The following PDE5A variants were observed in gnomAD, a reference collection of about 807,000 sequenced individuals.
The protein encoded by PDE5A is phosphodiesterase 5A, also known as cGMP-specific 3',5'-cyclic phosphodiesterase.
In PDE5A, 67 loss-of-function variants were observed where a neutral mutation model predicts 110.2. That is an observed-to-expected ratio of 0.61 (90% CI 0.50 to 0.75). PDE5A has a LOEUF of 0.75. Ranked by LOEUF, PDE5A falls within the 30% of genes least tolerant of loss-of-function variation. The pLI is 0.00. For synonymous variants in PDE5A, 328 were observed against 351.2 expected, an observed-to-expected ratio of 0.93 and a Z score of 0.74; for missense variants, 862 against 1,045.1, an observed-to-expected ratio of 0.82 and a Z score of 2.42.
chr4:119,621,792 C>T lies in PDE5A; in HGVS notation c.152+6728G>A, dbSNP rs899917442. Among the ~76,000 whole-genome samples the T allele has an allele frequency of 4.6e-5, 7 of 152,318 alleles. No individual in the cohort carries two copies. The East Asian group carries it at 7.7e-4, about 17-fold the overall frequency. On this transcript the variant is annotated intron_variant, in intron 1 of 20. Transcript: ENST00000354960. ...TTCTCTATGGGTTCAAGTTGAGTTT[C>T]TGTCACTTGCAACCAAAAGCTTTCT...
intron 1 of PDE5A, 90 bp downstream of exon 1, chr4:119,628,430 G>A: frequency 8.9e-7 from 1 of 1,123,424 alleles, no homozygotes; most frequent in Non-Finnish European, 1.3e-6. Flanking sequence ...TACTTCAAAA[G>A]CAAAGGGCCT....
chr4:119,502,574 T>C lies in PDE5A; in HGVS notation c.2406+7A>G, dbSNP rs3733524. 0.26 allele frequency: 403,447 copies of C among 1,523,390 alleles called. 55,570 individuals are homozygous for C. The highest frequency in any genetic ancestry group is 0.35 in the East Asian group (15,413 of 44,118). 94.4% of individuals were successfully genotyped at this position (1,523,390 alleles called of 1,614,324 possible). A position where few individuals can be genotyped will look rare whatever the true frequency, so the allele number is the denominator to read the frequency against. On this transcript the variant is annotated splice_region_variant and intron_variant, in intron 19 of 20. Transcript: ENST00000354960. ...AATAATTCCTACCAACAAGGTTTCA[T>C]ACTTACAGTGGGTTCTATGTTGAGT...
chr4:119,519,034 G>C lies in PDE5A; in HGVS notation c.2000+11C>G. On this transcript the variant is annotated intron_variant, in intron 14 of 20. Coordinates refer to ENST00000354960, the MANE Select transcript of PDE5A (RefSeq NM_001083.4). The stretch of plus-strand genomic sequence containing the variant: ...AGAAAACATTTTCTTGCTTTACTGG[G>C]AAAGTCTTACCGCTGTATGTAAGAG... The C allele has an allele frequency of 6.3e-7, 1 of 1,589,356 alleles. No homozygotes were observed. The highest frequency in any genetic ancestry group is 1.1e-5 in the South Asian group (1 of 89,866).
intron 13 of PDE5A, 108 bp from the exon 14 acceptor site, chr4:119,519,247 A>C: frequency 1.3e-6 from 1 of 757,332 alleles, no homozygotes; most frequent in Non-Finnish European, 2.3e-6. Context: ...TGCTTTACAT[A>C]CATACTTCTC....
Position 119,525,703 on chromosome 4 carries a change from A to G in PDE5A, c.1633-8T>C, listed in dbSNP as rs1488737852. 3 of 1,556,560 alleles carry G rather than the reference A, an allele frequency of 1.9e-6. No individual in the cohort carries two copies. Among genetic ancestry groups the G allele is most frequent in the Admixed American group, 2.0e-5 (1 of 51,182 alleles). ...AGATGGCACCACAGCAGCCTTGGGT[A>G]AGGAAAGAAGAAAAAAAAAAATGCT... On this transcript the variant is annotated splice_polypyrimidine_tract_variant and splice_region_variant and intron_variant, in intron 11 of 20. Coordinates refer to ENST00000354960, the MANE Select transcript of PDE5A (RefSeq NM_001083.4). The surrounding 1 kb of genome is among the most constrained non-coding windows in gnomAD (Gnocchi z 4.3).
intron 4 of PDE5A, among the ~76,000 whole-genome samples, chr4:119,566,167 G>A (rs866604949): frequency 1.3e-5 from 2 of 152,006 alleles, no homozygotes; most frequent in African/African-American, 4.8e-5. Context: ...CAAGTGCCAT[G>A]AACAGAACAG....
At chr4:119,553,266 T>C (rs987898904) in intron 8 of PDE5A, among the ~76,000 whole-genome samples, 2 of 152,122 alleles carry the variant, frequency 1.3e-5, no homozygotes, top group East Asian at 3.8e-4. Context: ...CTACTCACTA[T>C]GACAGATTAC....
At chr4:119,570,146 T>C in intron 3 of PDE5A, among the ~76,000 whole-genome samples, 1 of 152,230 alleles carries the variant, frequency 6.6e-6, no homozygotes, top group East Asian at 1.9e-4. Flanking sequence ...AGTTTAATTC[T>C]GACTTTAAGG....
chr4:119,610,821 A>G (rs753044047), intron 1 of PDE5A, among the ~76,000 whole-genome samples: 3 of 151,974 alleles, frequency 2.0e-5, no homozygotes, highest in Non-Finnish European at 4.4e-5. Context: ...CCTGGTCCAA[A>G]CCCCACTATC....
At position 119,520,958 on chromosome 4, in the gene PDE5A, C is replaced by T. The variant is rs1389209309; in HGVS notation, c.1882G>A (p.Ala628Thr). ...ACCTGAATTTTGCCTGCTTTTAGAGCAGCAAACATGCACTGAGCTGTATTA... is the reference window on the plus strand; with the variant it reads ...ACCTGAATTTTGCCTGCTTTTAGAGTAGCAAACATGCACTGAGCTGTATTA... ...AFNTAQCMFA[A>T]LKAGKIQNKL... is the part of the protein sequence containing the mutation. Residue 628 changes from alanine (A) to threonine (T), a missense_variant, in exon 13 of 21, where the codon GCT (alanine) becomes ACT (threonine). Ala to Thr is a moderately conservative substitution (Grantham distance 58, BLOSUM62 0). Transcript: ENST00000354960. 1.2e-6 allele frequency: 2 copies of T among 1,610,508 alleles called. No homozygotes were observed. The highest frequency in any genetic ancestry group is 2.7e-5 in the African/African-American group (2 of 74,834).
At chr4:119,501,484 C>A (rs992299090) in intron 19 of PDE5A, among the ~76,000 whole-genome samples, 2 of 151,932 alleles carry the variant, frequency 1.3e-5, no homozygotes, top group African/African-American at 4.8e-5. Flanking sequence ...TTTTTATTAG[C>A]GACAGGGTTT....
intron 1 of PDE5A, among the ~76,000 whole-genome samples, chr4:119,625,398 T>C (rs1730311324): frequency 6.6e-6 from 1 of 152,146 alleles, no homozygotes. Context: ...CAACCCAAAT[T>C]CACAGGTGTT....
At chr4:119,601,002 C>T (rs115610077) in intron 2 of PDE5A, among the ~76,000 whole-genome samples, 25 of 152,302 alleles carry the variant, frequency 1.6e-4, no homozygotes, top group Admixed American at 7.8e-4. Flanking sequence ...AGATACACTA[C>T]GAAGGTGTGT....
chr4:119,510,177 T>G (rs1320961057), intron 15 of PDE5A, among the ~76,000 whole-genome samples: 1 of 151,960 alleles, frequency 6.6e-6, no homozygotes, highest in African/African-American at 2.4e-5. Flanking sequence ...GAGTACACAT[T>G]TTTGTTTCTG....
intron 2 of PDE5A, among the ~76,000 whole-genome samples, chr4:119,601,730 A>T (rs766593911): frequency 5.9e-5 from 9 of 152,022 alleles, no homozygotes; most frequent in Non-Finnish European, 1.2e-4. Flanking sequence ...GTCAGTGCTA[A>T]CTCCATGAGG....
chr4:119,509,848 G>A (rs147839263), intron 15 of PDE5A, among the ~76,000 whole-genome samples: 1 of 152,136 alleles, frequency 6.6e-6, no homozygotes, highest in African/African-American at 2.4e-5. Context: ...TAAGAGAGAG[G>A]GGTGTGGAGT....
At chr4:119,576,027 G>A (rs1447457506) in intron 3 of PDE5A, among the ~76,000 whole-genome samples, 1 of 152,070 alleles carries the variant, frequency 6.6e-6, no homozygotes, top group Admixed American at 6.6e-5. Flanking sequence ...AAAAGGCAGG[G>A]GTTGCAATCG....
intron 3 of PDE5A, among the ~76,000 whole-genome samples, chr4:119,595,422 C>T (rs1353826483): frequency 3.3e-5 from 5 of 152,126 alleles, no homozygotes; most frequent in African/African-American, 9.7e-5. Flanking sequence ...AAAACATTTC[C>T]GCGTGTGTCT....
Position 119,496,821 on chromosome 4 carries a change from A to C in PDE5A, c.*1780T>G, listed in dbSNP as rs889662991. On this transcript the variant is annotated 3_prime_UTR_variant, in exon 21 of 21. Transcript: ENST00000354960. ...ACCTTACAAATTTTATCTGTATGGC[A>C]AAAAAAATAAAATATCCTGAAAATA... 1 of 152,280 alleles carries C rather than the reference A, an allele frequency of 6.6e-6. No individual in the cohort carries two copies. The highest frequency in any genetic ancestry group is 2.4e-5 in the African/African-American group (1 of 41,376). The allele number at this position is 152,280 out of a possible 1,614,324, so 9.4% of individuals were successfully genotyped here. A position where few individuals can be genotyped will look rare whatever the true frequency, so the allele number is the denominator to read the frequency against.
Sources: gnomAD v4.1 joint callset for allele counts (sites outside exome capture counted in the v4.1 genomes callset) on GRCh38, gnomAD v4.1.1 for gene constraint, Gnocchi (gnomAD v3.1) non-coding constraint, MANE v1.5 for transcripts, NCBI Gene and HGNC (gene_info 2026-07-23, HGNC 2026-07-21) for gene names.